ALK: variants seen among roughly 807,000 people sequenced by gnomAD.
The protein encoded by ALK is ALK receptor tyrosine kinase.
Under a neutral mutation model 163.1 loss-of-function variants are expected in ALK, and 74 were observed. The ratio of observed to expected loss-of-function variants is 0.45; its 90% confidence interval spans 0.38 to 0.55. The LOEUF (loss-of-function observed/expected upper bound fraction) is 0.55, where lower values mean the gene tolerates loss of function less well. ALK is among the 20% of genes least tolerant of loss of function. The pLI is 0.00. For missense variants in ALK, 2,063 were observed against 2,105.3 expected (o/e 0.98, Z 0.39); for synonymous variants, 960 against 843.2 (o/e 1.14, Z -2.40).
chr2:29,297,205 C>T (rs2148231432), intron 8 of ALK, 148 bp from the exon 9 acceptor site: 3 of 807,542 alleles, frequency 3.7e-6, no homozygotes, highest in Non-Finnish European at 6.2e-6. Context: ...ACCTGTCTCA[C>T]CAAGAGGCTT....
In ALK at chr2:29,724,701, C is replaced by T. The variant is rs186132801; in HGVS notation, c.668-7004G>A. On this transcript the variant is annotated intron_variant, in intron 1 of 28. Coordinates refer to ENST00000389048, the MANE Select transcript of ALK (RefSeq NM_004304.5). ...ATGAGCGGTTTGAACTCACTGCTCG[C>T]TAAGGTCCTCTCTGGTTCATACATA... Among the ~76,000 whole-genome samples, 3 of 152,288 alleles carry T rather than the reference C, an allele frequency of 2.0e-5. No homozygotes were observed. The East Asian group carries it at 5.8e-4, about 29-fold the overall frequency.
At chr2:29,377,357 C>T (rs530244597) in intron 5 of ALK, among the ~76,000 whole-genome samples, 36 of 152,096 alleles carry the variant, frequency 2.4e-4, no homozygotes, top group Middle Eastern at 3.4e-3. Context: ...CGCCTGTAAT[C>T]CCAGCTACTC....
intron 3 of ALK, among the ~76,000 whole-genome samples, chr2:29,671,832 C>T (rs997174818): frequency 6.6e-6 from 1 of 152,018 alleles, no homozygotes; most frequent in African/African-American, 2.4e-5. Flanking sequence ...CTTGCTTCTA[C>T]ACCACCATTT....
chr2:29,227,066 CT>C lies in ALK; in HGVS notation c.2922del (p.Gly975AlafsTer5). 1 of 1,614,162 alleles carries C rather than the reference CT, an allele frequency of 6.2e-7. No individual in the cohort carries two copies. The highest frequency in any genetic ancestry group is 8.5e-7 in the Non-Finnish European group (1 of 1,180,024). On this transcript the variant is annotated frameshift_variant, in exon 18 of 29. Coordinates refer to ENST00000389048, the MANE Select transcript of ALK (RefSeq NM_004304.5). LOFTEE classifies it high-confidence loss of function. This position sits in a 1 kb window ranked among gnomAD's most constrained non-coding sequence, Gnocchi z 4.4. Reference sequence around the variant, plus strand: ...TGCTTAATATTCACTTCCCCGTGGCCTTCCATCACTAGTGACAAGGAGGGAG... The same window carrying C: ...TGCTTAATATTCACTTCCCCGTGGCCTCCATCACTAGTGACAAGGAGGGAG... ...ILYTPALKVM[E>X]GHGEVNIKHY...
At position 29,312,142 on chromosome 2, in the gene ALK, C is replaced by G. The variant is rs140525677; in HGVS notation, c.1647+6162G>C. Among the ~76,000 whole-genome samples, 458 of 152,198 alleles carry G rather than the reference C, an allele frequency of 3.0e-3. 3 individuals carry two copies. Among genetic ancestry groups the G allele is most frequent in the African/African-American group, 0.01 (436 of 41,556 alleles). On this transcript the variant is annotated intron_variant, in intron 8 of 28. Transcript: ENST00000389048. ...GGGCAGAGGCCAAACCCTCCAGATT[C>G]AGGCTCCTTGGAGAAGGCAGGCTCC...
At chr2:29,832,859 C>A (rs1665456385) in intron 1 of ALK, among the ~76,000 whole-genome samples, 1 of 152,148 alleles carries the variant, frequency 6.6e-6, no homozygotes, top group Non-Finnish European at 1.5e-5. Flanking sequence ...ACCATGAGAG[C>A]ATGTAAAGAA....
Position 29,207,215 on chromosome 2 carries a change from T to C in ALK, c.3894A>G (p.Pro1298=). 6.2e-7 allele frequency: 1 copy of C among 1,614,156 alleles called. No individual in the cohort carries two copies. Among genetic ancestry groups the C allele is most frequent in the Non-Finnish European group, 8.5e-7 (1 of 1,180,004 alleles). Residue 1298 remains proline, a synonymous_variant, in exon 26 of 29, where the codon CCA becomes CCG. Transcript: ENST00000389048. ...CAMLPVKWMP[P]EAFMEGIFTS... ...TGAATATTCCTTCCATGAAGGCCTC[T>C]GGGGGCATCCACTTAACTGGCAGCA...
chr2:29,579,676 A>G (rs11678427), intron 3 of ALK, among the ~76,000 whole-genome samples: 127,984 of 152,056 alleles, frequency 0.84, 54,421 homozygotes, highest in Non-Finnish European at 0.92. Context: ...TACATGCCAG[A>G]TTTGAAAAAC....
intron 4 of ALK, among the ~76,000 whole-genome samples, chr2:29,434,730 GC>G (rs1379770243): frequency 6.6e-6 from 1 of 152,244 alleles, no homozygotes; most frequent in African/African-American, 2.4e-5. Context: ...GCATTGATCA[GC>G]CCCCAACATG....
At chr2:29,824,182 T>C (rs181765890) in intron 1 of ALK, among the ~76,000 whole-genome samples, 1 of 152,180 alleles carries the variant, frequency 6.6e-6, no homozygotes, top group African/African-American at 2.4e-5. Context: ...AAGTCAAGAA[T>C]TGAAGTTTGG....
intron 1 of ALK, among the ~76,000 whole-genome samples, chr2:29,904,665 G>A (rs1202333922): frequency 6.6e-6 from 1 of 152,150 alleles, no homozygotes; most frequent in Non-Finnish European, 1.5e-5. Context: ...AGATAAGGAT[G>A]CTAAGACCAG....
At chr2:29,229,177 AGCTCCC>A in intron 15 of ALK, 111 bp from the exon 16 acceptor site, 1 of 929,748 alleles carries the variant, frequency 1.1e-6, no homozygotes, top group Non-Finnish European at 1.7e-6. Context: ...CACCAGCTCC[AGCTCCC>A]GGGGCCCATC....
rs1277474074 is a variant in ALK at position 29,476,797 on chromosome 2, G to A, written c.1154+55118C>T. 2.0e-5 allele frequency among the ~76,000 whole-genome samples: 3 copies of A among 152,172 alleles called. No homozygotes were observed. In the East Asian group the frequency reaches 5.8e-4, roughly 29 times the overall value. On this transcript the variant is annotated intron_variant, in intron 4 of 28. Transcript: ENST00000389048. ...GAGCCCTGGGCTTTGTGGAGAGTTC[G>A]ATTCCATCCTGGAGCATTTCTTGCT...
chr2:29,383,925 G>GACCC, intron 4 of ALK, 66 bp from the exon 5 acceptor site: 2 of 1,601,484 alleles, frequency 1.2e-6, no homozygotes, highest in Non-Finnish European at 1.7e-6. Context: ...GGCCTAACAT[G>GACCC]TGGACAGGGT....
chr2:29,423,700 A>C (rs909081951), intron 4 of ALK, among the ~76,000 whole-genome samples: 4 of 152,222 alleles, frequency 2.6e-5, no homozygotes, highest in African/African-American at 9.6e-5. Flanking sequence ...CTCCTACTTA[A>C]GACAGAAAAA....
At chr2:29,231,855 A>G (rs1168287355) in intron 15 of ALK, among the ~76,000 whole-genome samples, 2 of 152,134 alleles carry the variant, frequency 1.3e-5, no homozygotes, top group Non-Finnish European at 2.9e-5. Context: ...TGGAGAGTCA[A>G]GTAAGAGATT....
At chr2:29,377,977 G>A (rs11891005) in intron 5 of ALK, among the ~76,000 whole-genome samples, 4,872 of 152,302 alleles carry the variant, frequency 0.032, 256 homozygotes, top group African/African-American at 0.11. Flanking sequence ...AAATCTGTTA[G>A]TGAGCTGAAT....
chr2:29,293,496 G>C (rs1369581976), intron 9 of ALK, among the ~76,000 whole-genome samples: 3 of 152,158 alleles, frequency 2.0e-5, no homozygotes, highest in Non-Finnish European at 2.9e-5. Flanking sequence ...AATATATTGT[G>C]GGTACATATA....
intron 4 of ALK, among the ~76,000 whole-genome samples, chr2:29,473,388 A>C (rs1671417413): frequency 1.3e-5 from 2 of 152,232 alleles, no homozygotes; most frequent in African/African-American, 4.8e-5. Context: ...TATATTTATG[A>C]TATCAAGGTA....
Sources: gnomAD v4.1 joint callset for allele counts (sites outside exome capture counted in the v4.1 genomes callset) on GRCh38, gnomAD v4.1.1 for gene constraint, Gnocchi (gnomAD v3.1) non-coding constraint, MANE v1.5 for transcripts, NCBI Gene and HGNC (gene_info 2026-07-23, HGNC 2026-07-21) for gene names.